The following IL20RB variants were observed in gnomAD, a reference collection of about 807,000 sequenced individuals.
IL20RB encodes the protein interleukin-20 receptor subunit beta.
In IL20RB, 21 loss-of-function variants were observed where a neutral mutation model predicts 33.3. The observed-to-expected ratio is 0.63, with a 90% CI of 0.45 to 0.91. IL20RB has a LOEUF of 0.91. Among genes scored for constraint, IL20RB ranks in the 40% least tolerant of loss-of-function variants. The pLI is 0.00. For synonymous variants in IL20RB, 147 were observed against 146.8 expected (o/e 1.00, Z -0.01); for missense variants, 345 against 384.8 (o/e 0.90, Z 0.86).
rs756168645 is a variant in IL20RB, at chr3:136,989,514, G to T, written c.480G>T (p.Gly160=). The T allele has an allele frequency of 3.7e-6, 6 of 1,614,064 alleles. No homozygotes were observed. The Admixed American group carries it at 6.7e-5, about 18-fold the overall frequency. The change falls in exon 4 of 7, where the codon GGG becomes GGT. Residue 160 remains glycine (G), a synonymous_variant. Transcript: ENST00000329582. The part of the protein sequence containing the change: ...FHLVIELEDL[G]PQFEFLVAYW... ...TGGTTATTGAGCTGGAGGACCTGGG[G>T]CCCCAGTTTGAGTTCCTTGTGGCCT... is the stretch of plus-strand genomic sequence containing the variant.
chr3:136,987,108 AGT>A (rs1198020082), intron 3 of IL20RB, among the ~76,000 whole-genome samples: 1 of 152,118 alleles, frequency 6.6e-6, no homozygotes. Context: ...AAGCTTCCAC[AGT>A]GTGGAAGGGG....
intron 1 of IL20RB, among the ~76,000 whole-genome samples, chr3:136,970,454 A>G (rs1165977892): frequency 6.6e-6 from 1 of 152,094 alleles, no homozygotes; most frequent in Non-Finnish European, 1.5e-5. Flanking sequence ...GCAGTTGAGC[A>G]CATTTGTGTG....
chr3:136,996,454 AG>A (rs1176439285), intron 6 of IL20RB, among the ~76,000 whole-genome samples: 3 of 152,204 alleles, frequency 2.0e-5, no homozygotes, highest in Non-Finnish European at 4.4e-5. Context: ...AAGCAACTAA[AG>A]CCAGAACTAC....
In IL20RB at chr3:136,958,056, G is replaced by A. The variant is rs1941089505; in HGVS notation, c.-58G>A. 9.7e-7 allele frequency: 1 copy of A among 1,035,398 alleles called. No homozygotes were observed. The highest frequency in any genetic ancestry group is 1.8e-5 in the Admixed American group (1 of 57,086). 64.1% of individuals were successfully genotyped at this position (1,035,398 alleles called of 1,614,324 possible). On this transcript the variant is annotated 5_prime_UTR_variant, in exon 1 of 7. The change abolishes an upstream ATG in the 5' untranslated region. Coordinates refer to ENST00000329582, the MANE Select transcript of IL20RB (RefSeq NM_144717.4). ...CATTCTGAAGAAAGATGGCTGAGAT[G>A]GACAGAATGCTTTATTTTGGAAAGA...
At chr3:137,000,032 T>A (rs1368548621) in intron 6 of IL20RB, among the ~76,000 whole-genome samples, 2 of 152,182 alleles carry the variant, frequency 1.3e-5, no homozygotes, top group Non-Finnish European at 2.9e-5. Context: ...GGTCACATTT[T>A]CCTATATTTT....
chr3:136,997,252 C>A (rs1942149022), intron 6 of IL20RB, among the ~76,000 whole-genome samples: 1 of 152,062 alleles, frequency 6.6e-6, no homozygotes, highest in Non-Finnish European at 1.5e-5. Flanking sequence ...GCCACCACAC[C>A]CATCTAATTT....
intron 6 of IL20RB, among the ~76,000 whole-genome samples, chr3:137,007,419 A>G (rs1053004552): frequency 2.6e-5 from 4 of 152,132 alleles, no homozygotes; most frequent in African/African-American, 9.7e-5. Flanking sequence ...GGCAGTAGGC[A>G]TTGTTGAGCT....
chr3:136,995,896 T>C (rs1942117438), intron 6 of IL20RB, among the ~76,000 whole-genome samples: 1 of 152,184 alleles, frequency 6.6e-6, no homozygotes, highest in Non-Finnish European at 1.5e-5. Flanking sequence ...TGCTGAGCAT[T>C]CTTGGCCTCT....
At chr3:136,987,128 CG>C (rs1941921121) in intron 3 of IL20RB, among the ~76,000 whole-genome samples, 4 of 151,702 alleles carry the variant, frequency 2.6e-5, no homozygotes, top group African/African-American at 9.7e-5. Context: ...GGGACCCGAG[CG>C]GGTTGCCACT....
At chr3:136,999,720 C>A (rs1415200888) in intron 6 of IL20RB, among the ~76,000 whole-genome samples, 3 of 152,050 alleles carry the variant, frequency 2.0e-5, no homozygotes, top group African/African-American at 7.2e-5. Flanking sequence ...ATTTTATTAA[C>A]CTATCTTCTT....
chr3:136,974,900 C>G (rs1941578376), intron 1 of IL20RB, among the ~76,000 whole-genome samples: 1 of 152,144 alleles, frequency 6.6e-6, no homozygotes, highest in Non-Finnish European at 1.5e-5. Context: ...ATTGTTGAAG[C>G]TTTCAAATGT....
intron 1 of IL20RB, among the ~76,000 whole-genome samples, chr3:136,980,003 G>C (rs1351414638): frequency 6.6e-6 from 1 of 152,160 alleles, no homozygotes; most frequent in Non-Finnish European, 1.5e-5. Flanking sequence ...CAGTCTAACA[G>C]AAGAGTCATA....
chr3:136,966,241 C>T (rs1941348505), intron 1 of IL20RB, among the ~76,000 whole-genome samples: 1 of 131,782 alleles, frequency 7.6e-6, no homozygotes, highest in Non-Finnish European at 1.6e-5. Flanking sequence ...CCCTCTTTTT[C>T]TATTGATTGG....
At chr3:136,962,985 G>T (rs951841106) in intron 1 of IL20RB, among the ~76,000 whole-genome samples, 2 of 151,860 alleles carry the variant, frequency 1.3e-5, no homozygotes, top group African/African-American at 4.8e-5. Flanking sequence ...TTGTGCTATG[G>T]TTATGTACAT....
intron 1 of IL20RB, among the ~76,000 whole-genome samples, chr3:136,958,933 G>C (rs80351115): frequency 1.9e-4 from 19 of 99,830 alleles, no homozygotes; most frequent in Non-Finnish European, 3.1e-4. Context: ...CTCTCTCTCT[G>C]TCTCTCTGTC....
intron 4 of IL20RB, among the ~76,000 whole-genome samples, chr3:136,991,711 T>G (rs1942035285): frequency 6.6e-6 from 1 of 152,128 alleles, no homozygotes; most frequent in Non-Finnish European, 1.5e-5. Flanking sequence ...TGGGTTCAAG[T>G]GATTCTCCTG....
At chr3:136,988,389 T>C (rs910023802) in intron 3 of IL20RB, among the ~76,000 whole-genome samples, 2 of 152,124 alleles carry the variant, frequency 1.3e-5, no homozygotes, top group Non-Finnish European at 2.9e-5. Context: ...CCTTGCAATA[T>C]GGAAGATGAT....
chr3:136,963,687 T>C (rs1181330098), intron 1 of IL20RB, among the ~76,000 whole-genome samples: 1 of 92,512 alleles, frequency 1.1e-5, no homozygotes, highest in African/African-American at 4.3e-5. Context: ...CTTTTTTTTT[T>C]TTTTTATTTT....
At chr3:137,002,607 C>T (rs189223317) in intron 6 of IL20RB, among the ~76,000 whole-genome samples, 1 of 151,738 alleles carries the variant, frequency 6.6e-6, no homozygotes, top group African/African-American at 2.4e-5. Flanking sequence ...CCTTTGCCCA[C>T]TTTTTGATGG....
Sources: gnomAD v4.1 joint callset for allele counts (sites outside exome capture counted in the v4.1 genomes callset) on GRCh38, gnomAD v4.1.1 for gene constraint, MANE v1.5 for transcripts, NCBI Gene and HGNC (gene_info 2026-07-23, HGNC 2026-07-21) for gene names.